Variants in GALNT16 observed in about 807,000 individuals in gnomAD.
GALNT16 encodes the protein polypeptide N-acetylgalactosaminyltransferase 16.
In GALNT16, 40 loss-of-function variants were observed where a neutral mutation model predicts 76.1. The ratio of observed to expected loss-of-function variants is 0.53; its 90% CI spans 0.41 to 0.68. GALNT16 has a LOEUF of 0.68. Ranked by LOEUF, GALNT16 falls within the 30% of genes least tolerant of loss-of-function variation. GALNT16 has a pLI of 0.00. For synonymous variants in GALNT16, 276 were observed against 285.2 expected, an observed-to-expected ratio of 0.97 and a Z score of 0.32; for missense variants, 621 against 731.9, an observed-to-expected ratio of 0.85 and a Z score of 1.75.
chr14:69,298,876 G>A (rs1309201211), intron 1 of GALNT16, among the ~76,000 whole-genome samples: 1 of 152,230 alleles, frequency 6.6e-6, no homozygotes, highest in African/African-American at 2.4e-5. Flanking sequence ...GCAGAGGTAG[G>A]CCCAGCCAAG....
At chr14:69,303,653 T>TCCCATAATC (rs1233362016) in intron 1 of GALNT16, among the ~76,000 whole-genome samples, 1 of 108,826 alleles carries the variant, frequency 9.2e-6, no homozygotes, top group African/African-American at 2.8e-5. Context: ...ACCCATAATC[T>TCCCATAATC]TCCCATCCTA....
chr14:69,290,206 G>A (rs1002552010), intron 1 of GALNT16, among the ~76,000 whole-genome samples: 7 of 152,220 alleles, frequency 4.6e-5, no homozygotes, highest in African/African-American at 9.7e-5. Flanking sequence ...ATTTGGAGAT[G>A]CTCTCAAGTT....
intron 1 of GALNT16, among the ~76,000 whole-genome samples, chr14:69,283,720 A>G (rs1031584546): frequency 6.6e-6 from 1 of 152,164 alleles, no homozygotes; most frequent in African/African-American, 2.4e-5. Flanking sequence ...AGTTAAGAAG[A>G]TTTGATTATT....
At chr14:69,288,515 C>T (rs931683191) in intron 1 of GALNT16, among the ~76,000 whole-genome samples, 1 of 152,232 alleles carries the variant, frequency 6.6e-6, no homozygotes, top group African/African-American at 2.4e-5. Context: ...GGCCCCTATG[C>T]TTTCCCAACA....
chr14:69,347,774 A>G (rs1006262124), intron 13 of GALNT16, 103 bp from the exon 14 acceptor site: 7 of 1,229,806 alleles, frequency 5.7e-6, no homozygotes, highest in Non-Finnish European at 8.1e-6. Flanking sequence ...ATTTGTAGAA[A>G]TCTTACAAAA....
At chr14:69,374,852 C>T in the GALNT16 span, among the ~76,000 whole-genome samples, 1 of 151,920 alleles carries the variant, frequency 6.6e-6, no homozygotes, top group Non-Finnish European at 1.5e-5. Flanking sequence ...TGGTGGAAGG[C>T]AGAAAGCAAG....
chr14:69,341,588 A>G (rs2045486467), intron 11 of GALNT16, 93 bp from the exon 12 acceptor site: 2 of 774,446 alleles, frequency 2.6e-6, no homozygotes, highest in Non-Finnish European at 4.5e-6. Flanking sequence ...CCTGCCTGAG[A>G]TAGTTGGGGC....
chr14:69,369,217 G>A, the GALNT16 span, among the ~76,000 whole-genome samples: 2 of 152,140 alleles, frequency 1.3e-5, no homozygotes, highest in South Asian at 2.1e-4. Context: ...AGGACACATA[G>A]GAATGGAAGG....
At position 69,333,782 on chromosome 14, in the gene GALNT16, C is replaced by G; in HGVS notation, c.967+182C>G. On this transcript the variant is annotated intron_variant, in intron 9 of 14. Transcript: ENST00000448469. This position sits in a 1 kb window ranked among gnomAD's most constrained non-coding sequence, Gnocchi z 4.2. ...ATCTCCATTTTACTGATTTTAAAAC[C>G]CAAGGCACAGAGAAGTTAAGCAATT... is the stretch of plus-strand genomic sequence containing the variant. The G allele has an allele frequency of 1.8e-6, 1 of 557,776 alleles. No individual in the cohort carries two copies. The allele number at this position is 557,776 out of a possible 1,614,324, so 34.6% of individuals were successfully genotyped here.
chr14:69,299,715 C>T, intron 1 of GALNT16, among the ~76,000 whole-genome samples: 1 of 152,166 alleles, frequency 6.6e-6, no homozygotes, highest in East Asian at 1.9e-4. Flanking sequence ...CCTCCCAGAG[C>T]CCTAGCCACG....
chr14:69,372,916 TC>T, the GALNT16 span, among the ~76,000 whole-genome samples: 1 of 152,170 alleles, frequency 6.6e-6, no homozygotes, highest in Non-Finnish European at 1.5e-5. Context: ...ACCTGCAACC[TC>T]CCATTGGGAT....
At chr14:69,305,455 G>A (rs1015393757) in intron 1 of GALNT16, among the ~76,000 whole-genome samples, 5 of 152,086 alleles carry the variant, frequency 3.3e-5, no homozygotes, top group African/African-American at 1.2e-4. Context: ...GAGCCACTGC[G>A]CCTAGCCCTG....
chr14:69,310,666 T>A (rs1017470831), intron 1 of GALNT16, among the ~76,000 whole-genome samples: 1 of 152,220 alleles, frequency 6.6e-6, no homozygotes, highest in Non-Finnish European at 1.5e-5. Context: ...TAAAATATGC[T>A]ATGATCGGAA....
chr14:69,339,664 AGCACAACCCCAGCAAAATAC>A, intron 11 of GALNT16, 45 bp downstream of exon 11: 1 of 1,196,088 alleles, frequency 8.4e-7, no homozygotes, highest in Non-Finnish European at 1.2e-6. Flanking sequence ...TACCCACATT[AGCACAACCCCAGCAAAATAC>A]GAAGTGGTAT....
chr14:69,309,121 AT>A (rs1339773297), intron 1 of GALNT16, among the ~76,000 whole-genome samples: 1 of 151,892 alleles, frequency 6.6e-6, no homozygotes, highest in African/African-American at 2.4e-5. Context: ...TTTTATTTTT[AT>A]TTTATTTTTC....
rs373479045 is a variant in GALNT16 at position 69,336,027 on chromosome 14, A to T, written c.967+2427A>T. ...CCAAACTCCTTACTGGCTACAGGGT[A>T]TCTGCCTTTCCCTGCAGCCCCGCAG... On this transcript the variant is annotated intron_variant, in intron 9 of 14. Coordinates refer to ENST00000448469, the MANE Select transcript of GALNT16 (RefSeq NM_001168368.2). Among the ~76,000 whole-genome samples, 5 of 152,286 alleles carry T rather than the reference A, an allele frequency of 3.3e-5. No individual in the cohort carries two copies. In the East Asian group the frequency reaches 7.7e-4, roughly 24 times the overall value.
intron 1 of GALNT16, among the ~76,000 whole-genome samples, chr14:69,303,686 C>T (rs1359097503): frequency 6.6e-6 from 1 of 152,164 alleles, no homozygotes; most frequent in Non-Finnish European, 1.5e-5. Flanking sequence ...TTTTAGTTTT[C>T]AGTATACCCT....
intron 1 of GALNT16, among the ~76,000 whole-genome samples, chr14:69,280,392 A>G (rs1272661863): frequency 6.6e-6 from 1 of 152,222 alleles, no homozygotes; most frequent in African/African-American, 2.4e-5. Context: ...AAGGCTGAAT[A>G]ATAAATACTC....
chr14:69,384,092 C>A, the GALNT16 span, among the ~76,000 whole-genome samples: 26 of 152,268 alleles, frequency 1.7e-4, no homozygotes, highest in Admixed American at 1.7e-3. Flanking sequence ...TTACTCTGCT[C>A]AATTTTCATA....
Sources: allele counts gnomAD v4.1 joint callset (sites outside exome capture counted in the v4.1 genomes callset), GRCh38; gene constraint gnomAD v4.1.1; non-coding constraint Gnocchi (gnomAD v3.1); transcripts MANE v1.5; gene names NCBI Gene and HGNC (gene_info 2026-07-23, HGNC 2026-07-21).